The following ZNF423 variants were observed in gnomAD, a reference collection of about 807,000 sequenced individuals.
ZNF423 encodes the protein Ebf-associated zinc finger protein.
In ZNF423, 12 loss-of-function variants were observed where a neutral mutation model predicts 95.8. The observed-to-expected ratio is 0.13, with a 90% confidence interval of 0.08 to 0.20. ZNF423 has a LOEUF of 0.20. ZNF423 is among the 10% of genes least tolerant of loss of function. The pLI is 1.00. For synonymous variants in ZNF423, 749 were observed against 711.9 expected (o/e 1.05, Z -0.83); for missense variants, 1,316 against 1,737.1 (o/e 0.76, Z 4.31).
At chr16:49,792,196 C>T (rs1228503947) in intron 1 of ZNF423, among the ~76,000 whole-genome samples, 1 of 151,950 alleles carries the variant, frequency 6.6e-6, no homozygotes. Context: ...CCTCTGTGCA[C>T]CCAGGTATCA....
At chr16:49,525,614 G>A in intron 5 of ZNF423, 120 bp from the exon 6 acceptor site, 2 of 1,425,470 alleles carry the variant, frequency 1.4e-6, no homozygotes, top group East Asian at 2.3e-5. Flanking sequence ...ACCGGGGCTG[G>A]TGAAGGGACT....
intron 5 of ZNF423, among the ~76,000 whole-genome samples, chr16:49,605,716 T>G (rs922161182): frequency 6.6e-6 from 1 of 152,166 alleles, no homozygotes; most frequent in African/African-American, 2.4e-5. Flanking sequence ...GTGCCTCACT[T>G]ATTAAGACAT....
chr16:49,631,383 C>A (rs1219689296), intron 4 of ZNF423, among the ~76,000 whole-genome samples: 4 of 152,056 alleles, frequency 2.6e-5, no homozygotes, highest in African/African-American at 9.7e-5. Context: ...CCAGTCCTCA[C>A]CCCAACATCT....
chr16:49,849,058 T>A (rs1336556529), intron 1 of ZNF423, among the ~76,000 whole-genome samples: 1 of 152,184 alleles, frequency 6.6e-6, no homozygotes, highest in Non-Finnish European at 1.5e-5. Flanking sequence ...GGTTTTCTCC[T>A]CCTGTTCAGT....
At position 49,635,435 on chromosome 16, in the gene ZNF423, A is replaced by C. The variant is rs1337656274; in HGVS notation, c.3516+225T>G. 2.0e-5 allele frequency among the ~76,000 whole-genome samples: 3 copies of C among 152,240 alleles called. No homozygotes were observed. Among genetic ancestry groups the C allele is most frequent in the African/African-American group, 7.2e-5 (3 of 41,474 alleles). ...CATTTTATACATTAGCATTTGACAA[A>C]TGAGACCCAGAGAGATAAATAACAT... is the stretch of plus-strand genomic sequence containing the variant. On this transcript the variant is annotated intron_variant, in intron 4 of 7. Coordinates refer to ENST00000563137, the MANE Select transcript of ZNF423 (RefSeq NM_001379286.1). The surrounding 1 kb of genome is among the most constrained non-coding windows in gnomAD (Gnocchi z 4.8).
At chr16:49,609,028 C>G (rs1272064863) in intron 5 of ZNF423, among the ~76,000 whole-genome samples, 1 of 152,158 alleles carries the variant, frequency 6.6e-6, no homozygotes, top group Non-Finnish European at 1.5e-5. Context: ...ACATGGGGAG[C>G]CTGGACTCCC....
At chr16:49,697,218 C>T (rs1463969665) in intron 3 of ZNF423, among the ~76,000 whole-genome samples, 1 of 152,186 alleles carries the variant, frequency 6.6e-6, no homozygotes, top group African/African-American at 2.4e-5. Flanking sequence ...CCCTAACCCA[C>T]CAGGTCCTTC....
chr16:49,650,031 G>A (rs1180581796), intron 3 of ZNF423, among the ~76,000 whole-genome samples: 3 of 152,228 alleles, frequency 2.0e-5, no homozygotes, highest in South Asian at 2.1e-4. Flanking sequence ...TCATTCCTTC[G>A]GTTTGGGAGA....
chr16:49,698,837 G>A (rs2032069566), intron 3 of ZNF423, among the ~76,000 whole-genome samples: 1 of 152,242 alleles, frequency 6.6e-6, no homozygotes, highest in African/African-American at 2.4e-5. Flanking sequence ...CTGAAGAGAA[G>A]AAAGAACAAA....
intron 5 of ZNF423, among the ~76,000 whole-genome samples, chr16:49,590,051 T>TATATATA (rs879296139): frequency 6.0e-5 from 8 of 134,078 alleles, no homozygotes; most frequent in South Asian, 2.9e-4. Flanking sequence ...TATATATATA[T>TATATATA]TTGGTCCATA....
chr16:49,628,851 C>T (rs1022571384), intron 4 of ZNF423, among the ~76,000 whole-genome samples: 1 of 152,212 alleles, frequency 6.6e-6, no homozygotes, highest in Admixed American at 6.5e-5. Flanking sequence ...CTCACTCACA[C>T]AACTAATCCC....
intron 2 of ZNF423, among the ~76,000 whole-genome samples, chr16:49,772,288 C>T (rs1567336138): frequency 1.3e-5 from 2 of 152,214 alleles, no homozygotes; most frequent in South Asian, 2.1e-4. Flanking sequence ...TCATTCTATC[C>T]GGACCATCAG....
At chr16:49,847,061 G>C (rs1396045612) in intron 1 of ZNF423, 1 of 152,188 alleles carries the variant, frequency 6.6e-6, no homozygotes, top group East Asian at 1.9e-4. Context: ...CAACAGAAGA[G>C]ATAAACCTCA....
intron 2 of ZNF423, among the ~76,000 whole-genome samples, chr16:49,759,353 C>T (rs1447503128): frequency 6.6e-6 from 1 of 151,468 alleles, no homozygotes; most frequent in Non-Finnish European, 1.5e-5. Flanking sequence ...GAGCCAAGAT[C>T]GAGCCACTGC....
intron 5 of ZNF423, among the ~76,000 whole-genome samples, chr16:49,611,029 AG>A (rs1340362649): frequency 6.6e-6 from 1 of 152,116 alleles, no homozygotes; most frequent in Non-Finnish European, 1.5e-5. Flanking sequence ...TAGAGCTGAC[AG>A]AAGAAATAGA....
In ZNF423 at chr16:49,598,568, G is replaced by C. The variant is rs183349278; in HGVS notation, c.3601+27602C>G. ...GGGCCCTCGCTGCTGACAGACCCCA[G>C]CTGGCTGGTGAGCACGCGCACTGGG... is the stretch of plus-strand genomic sequence containing the variant. On this transcript the variant is annotated intron_variant, in intron 5 of 7. Transcript: ENST00000563137. Among the ~76,000 whole-genome samples, 504 of 152,366 alleles carry C rather than the reference G, an allele frequency of 3.3e-3. 3 individuals are homozygous for C. The highest frequency in any genetic ancestry group is 0.011 in the African/African-American group (453 of 41,588).
intron 2 of ZNF423, among the ~76,000 whole-genome samples, chr16:49,776,136 C>A (rs531613757): frequency 1.3e-5 from 2 of 152,168 alleles, no homozygotes; most frequent in Non-Finnish European, 2.9e-5. Flanking sequence ...CACATGGAGT[C>A]GGCAGCAGGG....
intron 5 of ZNF423, among the ~76,000 whole-genome samples, chr16:49,539,385 T>G (rs1278547524): frequency 6.6e-6 from 1 of 152,094 alleles, no homozygotes; most frequent in East Asian, 1.9e-4. Context: ...TACCCCCTCA[T>G]TTGCTCATCG....
chr16:49,783,269 G>A (rs1003904296), intron 2 of ZNF423, among the ~76,000 whole-genome samples: 1 of 151,172 alleles, frequency 6.6e-6, no homozygotes, highest in Non-Finnish European at 1.5e-5. Context: ...GAGAGGGGGT[G>A]ATTAGGGTTA....
Sources: allele counts gnomAD v4.1 joint callset (sites outside exome capture counted in the v4.1 genomes callset), GRCh38; gene constraint gnomAD v4.1.1; non-coding constraint Gnocchi (gnomAD v3.1); transcripts MANE v1.5; gene names NCBI Gene and HGNC (gene_info 2026-07-23, HGNC 2026-07-21).